SLC30A10: variants seen among roughly 807,000 people sequenced by gnomAD.
The protein encoded by SLC30A10 is solute carrier family 30 member 10, also known as calcium/manganese antiporter SLC30A10.
A neutral mutation model predicts 21.7 loss-of-function variants in SLC30A10; 8 were observed. The ratio of observed to expected loss-of-function variants is 0.37; its 90% CI spans 0.22 to 0.67. The LOEUF (loss-of-function observed/expected upper bound fraction) is 0.67, where lower values mean the gene tolerates loss of function less well. SLC30A10 is among the 30% of genes least tolerant of loss of function. The probability of loss-of-function intolerance (pLI) is 0.58; values close to 1 mark genes in which losing one functional copy is unlikely to be tolerated. For missense variants in SLC30A10, 521 were observed against 642.5 expected, an observed-to-expected ratio of 0.81 and a Z score of 2.04; for synonymous variants, 272 against 279.4, an observed-to-expected ratio of 0.97 and a Z score of 0.26.
rs766190303 is a variant in SLC30A10, at chr1:219,915,748, A to G, written c.1159T>C (p.Leu387=). The G allele has an allele frequency of 5.6e-6, 9 of 1,614,034 alleles. No homozygotes were observed. The highest frequency in any genetic ancestry group is 2.7e-5 in the African/African-American group (2 of 74,918). ...NVTIQFENVD[L]KEPLEQKDLL... is the part of the protein sequence containing the mutation. ...TCCTTCTGCTCCAGGGGTTCCTTCA[A>G]GTCCACATTTTCAAACTGGATGGTC... The change falls in exon 4 of 4, where the codon TTG becomes CTG. Residue 387 remains leucine, a synonymous_variant. Coordinates refer to ENST00000366926, the MANE Select transcript of SLC30A10 (RefSeq NM_018713.3).
At chr1:219,924,644 T>C (rs910818605) in intron 2 of SLC30A10, among the ~76,000 whole-genome samples, 6 of 152,154 alleles carry the variant, frequency 3.9e-5, no homozygotes, top group African/African-American at 1.4e-4. Context: ...GCACTATGGA[T>C]TGAGCCCAGC....
In SLC30A10 at chr1:219,928,554, G is replaced by T; in HGVS notation, c.-114C>A. Reference sequence around the variant, plus strand: ...CGTGAGGCCCGGTACCCGCCTCCCAGATTGTCTCGCCGGCCCTGCCCCACC... The same window carrying T: ...CGTGAGGCCCGGTACCCGCCTCCCATATTGTCTCGCCGGCCCTGCCCCACC... On this transcript the variant is annotated 5_prime_UTR_variant, in exon 1 of 4. In the 5' UTR this introduces an upstream ATG that the reference lacks. Coordinates refer to ENST00000366926, the MANE Select transcript of SLC30A10 (RefSeq NM_018713.3). This position sits in a 1 kb window ranked among gnomAD's most constrained non-coding sequence, Gnocchi z 6.3. 10 of 983,122 alleles carry T rather than the reference G, an allele frequency of 1.0e-5. No individual in the cohort carries two copies. Among genetic ancestry groups the T allele is most frequent in the South Asian group, 2.0e-5 (1 of 50,354 alleles). The allele number at this position is 983,122 out of a possible 1,614,324, so 60.9% of individuals were successfully genotyped here.
At chr1:219,929,812 G>C (rs989669390), upstream of SLC30A10, among the ~76,000 whole-genome samples, 1 of 152,160 alleles carries the variant, frequency 6.6e-6, no homozygotes, top group Non-Finnish European at 1.5e-5. Flanking sequence ...GTGAGCCACT[G>C]CACCTGGCCA....
At chr1:219,945,304 T>C (rs1660172215) in intron 1 of SLC30A10, among the ~76,000 whole-genome samples, 1 of 152,208 alleles carries the variant, frequency 6.6e-6, no homozygotes, top group Non-Finnish European at 1.5e-5. Flanking sequence ...TAACTCATTG[T>C]ATGAATGTAA....
chr1:219,944,733 AAG>A (rs1391825840), intron 1 of SLC30A10, among the ~76,000 whole-genome samples: 1 of 152,210 alleles, frequency 6.6e-6, no homozygotes, highest in Non-Finnish European at 1.5e-5. Flanking sequence ...AAGCTCTATA[AAG>A]ACATACTCAA....
chr1:219,949,969 C>A (rs1245984141), intron 1 of SLC30A10, among the ~76,000 whole-genome samples: 1 of 152,050 alleles, frequency 6.6e-6, no homozygotes, highest in Non-Finnish European at 1.5e-5. Flanking sequence ...TTACTTTCAC[C>A]CTACCTTCCT....
At chr1:219,954,538 G>A (rs1660317235) in intron 1 of SLC30A10, among the ~76,000 whole-genome samples, 1 of 151,866 alleles carries the variant, frequency 6.6e-6, no homozygotes, top group Admixed American at 6.6e-5. Flanking sequence ...AAATTAGCTG[G>A]GCATAGTGGC....
At chr1:219,944,748 G>A (rs1660166108) in intron 1 of SLC30A10, among the ~76,000 whole-genome samples, 1 of 152,092 alleles carries the variant, frequency 6.6e-6, no homozygotes, top group South Asian at 2.1e-4. Flanking sequence ...ATACTCAAAA[G>A]CACTACAGGG....
At chr1:219,917,082 C>A (rs1018354901) in intron 3 of SLC30A10, among the ~76,000 whole-genome samples, 2 of 151,268 alleles carry the variant, frequency 1.3e-5, no homozygotes, top group Admixed American at 1.3e-4. Flanking sequence ...GTGATCCTCC[C>A]ACCTCAGCCT....
intron 1 of SLC30A10, among the ~76,000 whole-genome samples, chr1:219,934,074 G>A (rs370583190): frequency 6.6e-6 from 1 of 152,312 alleles, no homozygotes; most frequent in East Asian, 1.9e-4. Flanking sequence ...GGATCATGAG[G>A]TCAGGAGATC....
upstream of SLC30A10, among the ~76,000 whole-genome samples, chr1:219,933,110 T>G (rs944825089): frequency 2.0e-5 from 3 of 151,444 alleles, no homozygotes; most frequent in African/African-American, 7.3e-5. Flanking sequence ...AATACTAATT[T>G]GAGTGGGCTA....
chr1:219,915,207 G>C lies in SLC30A10; in HGVS notation c.*242C>G, dbSNP rs555467920. 1.1e-5 allele frequency: 6 copies of C among 534,260 alleles called. No homozygotes were observed. Among genetic ancestry groups the C allele is most frequent in the African/African-American group, 9.5e-5 (5 of 52,796 alleles). The allele number at this position is 534,260 out of a possible 1,614,324, so 33.1% of individuals were successfully genotyped here. On this transcript the variant is annotated 3_prime_UTR_variant, in exon 4 of 4. Coordinates refer to ENST00000366926, the MANE Select transcript of SLC30A10 (RefSeq NM_018713.3). ...ACTAGTGCAGTTTGCTTTAGAAAAT[G>C]CATGTTCAAGCTGAAACAGTCAAAG...
chr1:219,939,088 A>G (rs1558258403), intron 1 of SLC30A10, among the ~76,000 whole-genome samples: 1 of 152,242 alleles, frequency 6.6e-6, no homozygotes, highest in Non-Finnish European at 1.5e-5. Context: ...AGACTAAGTT[A>G]GAGGATTGGA....
In SLC30A10 at chr1:219,916,028, T is replaced by G. The variant is rs2231732; in HGVS notation, c.959-80A>C. The G allele has an allele frequency of 2.2e-3, 3,371 of 1,518,538 alleles. 38 individuals are homozygous for G. In the East Asian group the frequency reaches 0.033, roughly 15 times the overall value. The allele number at this position is 1,518,538 out of a possible 1,614,324, so 94.1% of individuals were successfully genotyped here. ...GAACTACAGGAGGGATATGGTTCCGTTAAGCATTCTCACCAAAATGGCTGC... is the reference window on the plus strand; with the variant it reads ...GAACTACAGGAGGGATATGGTTCCGGTAAGCATTCTCACCAAAATGGCTGC... On this transcript the variant is annotated intron_variant, in intron 3 of 3. Transcript: ENST00000366926.
chr1:219,925,632 C>CATATATAT lies in SLC30A10; in HGVS notation c.718+1388_718+1395dup, dbSNP rs1164535981. Among the ~76,000 whole-genome samples, 68 of 68,856 alleles carry CATATATAT rather than the reference C, an allele frequency of 9.9e-4. 3 individuals carry two copies. Among genetic ancestry groups the CATATATAT allele is most frequent in the African/African-American group, 3.2e-3 (47 of 14,600 alleles). 45.2% of individuals were successfully genotyped at this position (68,856 alleles called of 152,430 possible). On this transcript the variant is annotated intron_variant, in intron 2 of 3. Coordinates refer to ENST00000366926, the MANE Select transcript of SLC30A10 (RefSeq NM_018713.3). The stretch of plus-strand genomic sequence containing the variant: ...CTTAAAATTTATGTGTGTGTGTGTA[C>CATATATAT]ATATATATATATATATATATTTTTT...
At chr1:219,920,945 C>T (rs1659662119) in intron 2 of SLC30A10, among the ~76,000 whole-genome samples, 1 of 152,124 alleles carries the variant, frequency 6.6e-6, no homozygotes, top group African/African-American at 2.4e-5. Context: ...TTTCATTCTC[C>T]CTCTTACCTT....
chr1:219,949,087 A>G (rs1312753787), intron 1 of SLC30A10, among the ~76,000 whole-genome samples: 2 of 152,172 alleles, frequency 1.3e-5, no homozygotes, highest in African/African-American at 4.8e-5. Flanking sequence ...TAGAATGGCA[A>G]TCATTAAAAA....
upstream of SLC30A10, among the ~76,000 whole-genome samples, chr1:219,931,068 C>A (rs143603214): frequency 2.0e-5 from 3 of 152,290 alleles, no homozygotes; most frequent in South Asian, 2.1e-4. Context: ...AATATGACAG[C>A]AAGCAAAACA....
At chr1:219,943,691 T>C (rs532633225) in intron 1 of SLC30A10, among the ~76,000 whole-genome samples, 1 of 152,172 alleles carries the variant, frequency 6.6e-6, no homozygotes, top group Admixed American at 6.5e-5. Context: ...CAACAAGCAA[T>C]TACAAATACA....
Sources: gnomAD v4.1 joint callset for allele counts (sites outside exome capture counted in the v4.1 genomes callset) on GRCh38, gnomAD v4.1.1 for gene constraint, Gnocchi (gnomAD v3.1) non-coding constraint, MANE v1.5 for transcripts, NCBI Gene and HGNC (gene_info 2026-07-23, HGNC 2026-07-21) for gene names.